Variants in VSTM2B observed in about 807,000 individuals in gnomAD.
The protein encoded by VSTM2B is V-set and transmembrane domain-containing protein 2B.
In VSTM2B, 24 loss-of-function variants were observed where a neutral mutation model predicts 24.0. That is an observed-to-expected ratio of 1.00 (90% CI 0.72 to 1.40). The LOEUF is 1.40. VSTM2B is among the 40% of genes most tolerant of loss of function. VSTM2B has a pLI of 0.00. For synonymous variants in VSTM2B, 226 were observed against 194.4 expected (o/e 1.16, Z -1.35); for missense variants, 399 against 416.4 (o/e 0.96, Z 0.36).
chr19:29,563,614 C>A (rs1443956526), intron 4 of VSTM2B, among the ~76,000 whole-genome samples: 1 of 152,310 alleles, frequency 6.6e-6, no homozygotes, highest in Non-Finnish European at 1.5e-5. Flanking sequence ...TCAGGCCAGG[C>A]GCTTGTGTCT....
intron 4 of VSTM2B, among the ~76,000 whole-genome samples, chr19:29,544,353 C>T (rs1046358746): frequency 1.3e-4 from 20 of 150,676 alleles, no homozygotes; most frequent in African/African-American, 3.9e-4. Flanking sequence ...GGTGAAACCC[C>T]GTCTCTACTG....
intron 3 of VSTM2B, chr19:29,529,128 G>T (rs1015792873): frequency 1.0e-6 from 1 of 985,268 alleles, no homozygotes; most frequent in African/African-American, 1.7e-5. Context: ...GTTGAGAGCC[G>T]TAGAGCAGTA....
intron 4 of VSTM2B, among the ~76,000 whole-genome samples, chr19:29,536,306 G>A (rs1322541698): frequency 1.3e-5 from 2 of 152,232 alleles, no homozygotes; most frequent in Non-Finnish European, 2.9e-5. Context: ...GAGGCTTCCT[G>A]TAGGTGGTGT....
chr19:29,549,761 C>T (rs1281473428), intron 4 of VSTM2B, among the ~76,000 whole-genome samples: 1 of 152,216 alleles, frequency 6.6e-6, no homozygotes, highest in African/African-American at 2.4e-5. Flanking sequence ...TACTCTCACT[C>T]CACAAGCCCC....
At chr19:29,561,161 A>C (rs1599912333) in intron 4 of VSTM2B, among the ~76,000 whole-genome samples, 1 of 151,944 alleles carries the variant, frequency 6.6e-6, no homozygotes, top group Non-Finnish European at 1.5e-5. Context: ...AAAATACAAA[A>C]ATTAGCCAAG....
rs1969701716 is a variant in VSTM2B, at chr19:29,530,097, C to T, written c.576C>T (p.Thr192=). The T allele has an allele frequency of 6.9e-7, 1 of 1,456,100 alleles. No homozygotes were observed. The highest frequency in any genetic ancestry group is 1.4e-5 in the South Asian group (1 of 73,970). The allele number at this position is 1,456,100 out of a possible 1,614,324, so 90.2% of individuals were successfully genotyped here. Residue 192 remains threonine (T), a synonymous_variant, in exon 4 of 5, where the codon ACC becomes ACT. Transcript: ENST00000335523. ...ACGCGGGCGCCGCGAGCCGTACCAC[C>T]TCCGAGCCCGGCCGCGGCGACAAGA... The part of the protein sequence containing the change: ...ANNAGAASRT[T]SEPGRGDKSP...
At chr19:29,557,805 C>A (rs749338161) in intron 4 of VSTM2B, among the ~76,000 whole-genome samples, 1 of 151,768 alleles carries the variant, frequency 6.6e-6, no homozygotes, top group Non-Finnish European at 1.5e-5. Flanking sequence ...GATTTCATGA[C>A]GAAAGTGTCA....
Position 29,530,181 on chromosome 19 carries a change from A to G in VSTM2B, c.660A>G (p.Ala220=). 1 of 1,489,350 alleles carries G rather than the reference A, an allele frequency of 6.7e-7. No homozygotes were observed. The highest frequency in any genetic ancestry group is 8.9e-7 in the Non-Finnish European group (1 of 1,127,002). The allele number at this position is 1,489,350 out of a possible 1,614,324, so 92.3% of individuals were successfully genotyped here. A position where few individuals can be genotyped will look rare whatever the true frequency, so the allele number is the denominator to read the frequency against. ...ATCCCGCAGTCCCCGAGGCCGCGGCAGCCTCGGCGGCCCACACGCCCACCA... is the reference window on the plus strand; with the variant it reads ...ATCCCGCAGTCCCCGAGGCCGCGGCGGCCTCGGCGGCCCACACGCCCACCA... ...AIDPAVPEAA[A]ASAAHTPTTT... Residue 220 remains alanine (A), a synonymous_variant, in exon 4 of 5, where the codon GCA becomes GCG. Coordinates refer to ENST00000335523, the MANE Select transcript of VSTM2B (RefSeq NM_001146339.2).
chr19:29,554,840 G>A (rs1005288026), intron 4 of VSTM2B, among the ~76,000 whole-genome samples: 3 of 152,136 alleles, frequency 2.0e-5, no homozygotes, highest in Non-Finnish European at 4.4e-5. Flanking sequence ...ATGATAAAAA[G>A]GATCCATTCA....
At chr19:29,530,333 AG>A in intron 4 of VSTM2B, 43 bp downstream of exon 4, 1 of 1,435,024 alleles carries the variant, frequency 7.0e-7, no homozygotes, top group South Asian at 1.4e-5. Flanking sequence ...GGGATGGCGC[AG>A]GGCTAGGGCT....
intron 4 of VSTM2B, among the ~76,000 whole-genome samples, chr19:29,535,605 G>A (rs919370039): frequency 1.6e-4 from 24 of 152,222 alleles, no homozygotes; most frequent in African/African-American, 5.8e-4. Flanking sequence ...GCTGCTGGGA[G>A]CCGTCAAAGG....
In VSTM2B at chr19:29,528,147, G is replaced by A. The variant is rs538331452; in HGVS notation, c.268-286G>A. On this transcript the variant is annotated intron_variant, in intron 2 of 4. Coordinates refer to ENST00000335523, the MANE Select transcript of VSTM2B (RefSeq NM_001146339.2). ...CTAAGGATGCCCAGAGGGAAGGAGA[G>A]GGGCTTTCCTTCCCACCCTGGTGTC... Among the ~76,000 whole-genome samples the A allele has an allele frequency of 4.6e-5, 7 of 152,316 alleles. No individual in the cohort carries two copies. In the South Asian group the frequency reaches 1.5e-3, roughly 32 times the overall value.
rs149959628 is a variant in VSTM2B, at chr19:29,535,131, G to A, written c.769+4841G>A. On this transcript the variant is annotated intron_variant, in intron 4 of 4. Coordinates refer to ENST00000335523, the MANE Select transcript of VSTM2B (RefSeq NM_001146339.2). ...ACTGCATTAGCAGAGCAGAGCAGGC[G>A]CAGGAGGCTGGGCCCCGTCTTAGCT... is the stretch of plus-strand genomic sequence containing the variant. 9.8e-5 allele frequency among the ~76,000 whole-genome samples: 15 copies of A among 152,342 alleles called. No homozygotes were observed. The South Asian group carries it at 1.0e-3, about 11-fold the overall frequency.
chr19:29,528,901 T>G, intron 3 of VSTM2B: 2 of 985,060 alleles, frequency 2.0e-6, no homozygotes, highest in Non-Finnish European at 2.4e-6. Context: ...CAACCCTTTA[T>G]CCTCCGCCTG....
intron 4 of VSTM2B, among the ~76,000 whole-genome samples, chr19:29,553,064 G>T (rs1044062775): frequency 6.6e-6 from 1 of 152,110 alleles, no homozygotes; most frequent in African/African-American, 2.4e-5. Context: ...GGGCAGTCTG[G>T]ACAAGTGAGA....
At chr19:29,556,662 T>C (rs1243001048) in intron 4 of VSTM2B, among the ~76,000 whole-genome samples, 1 of 152,220 alleles carries the variant, frequency 6.6e-6, no homozygotes, top group Non-Finnish European at 1.5e-5. Context: ...CTTAAGCTGA[T>C]AAGCAACTTC....
In VSTM2B at chr19:29,529,835, G is replaced by A. The variant is rs1337753359; in HGVS notation, c.314G>A (p.Gly105Asp). ...ATKISTVRVQ[G>D]NDISHRLRLS... ...CTCTTGCAGACCGTACGCGTCCAGG[G>A]CAATGACATCTCACACCGGCTTCGG... The change falls in exon 4 of 5, where the codon GGC (glycine) becomes GAC (aspartate). Residue 105 changes from glycine to aspartate, a missense_variant. By Grantham distance (94) the Gly-to-Asp change is moderately conservative. Coordinates refer to ENST00000335523, the MANE Select transcript of VSTM2B (RefSeq NM_001146339.2). The A allele has an allele frequency of 7.7e-6, 12 of 1,549,886 alleles. No individual in the cohort carries two copies. The highest frequency in any genetic ancestry group is 1.0e-5 in the Non-Finnish European group (12 of 1,146,626).
chr19:29,541,051 G>A (rs919108559), intron 4 of VSTM2B, among the ~76,000 whole-genome samples: 4 of 152,250 alleles, frequency 2.6e-5, no homozygotes, highest in Admixed American at 2.0e-4. Context: ...AGGCCTCACA[G>A]AAGCTTACTG....
chr19:29,534,135 C>T (rs1969827822), intron 4 of VSTM2B, among the ~76,000 whole-genome samples: 1 of 152,178 alleles, frequency 6.6e-6, no homozygotes, highest in Admixed American at 6.5e-5. Flanking sequence ...AGGATTGATG[C>T]AGGTCCCCGG....
Sources: allele counts gnomAD v4.1 joint callset (sites outside exome capture counted in the v4.1 genomes callset), GRCh38; gene constraint gnomAD v4.1.1; transcripts MANE v1.5; gene names NCBI Gene and HGNC (gene_info 2026-07-23, HGNC 2026-07-21).